The following ZNF69 variants were observed in gnomAD, a reference collection of about 807,000 sequenced individuals.
The protein encoded by ZNF69 is zinc finger protein 69, also known as ZNF3.
Under a neutral mutation model 50.9 loss-of-function variants are expected in ZNF69, and 47 were observed. The observed-to-expected ratio is 0.92, with a 90% CI of 0.73 to 1.18. The LOEUF is 1.18. ZNF69 is among the 50% of genes most tolerant of loss of function. The pLI is 0.00. For missense variants in ZNF69, 717 were observed against 675.1 expected, an observed-to-expected ratio of 1.06 and a Z score of -0.69; for synonymous variants, 216 against 223.1, an observed-to-expected ratio of 0.97 and a Z score of 0.29.
At chr19:11,926,044 G>A in the ZNF69 span, among the ~76,000 whole-genome samples, 1 of 152,204 alleles carries the variant, frequency 6.6e-6, no homozygotes, top group South Asian at 2.1e-4. Context: ...GCAGCTGGTT[G>A]AGAGTGTGAA....
chr19:11,978,538 G>A, the ZNF69 span: 1 of 1,614,228 alleles, frequency 6.2e-7, no homozygotes, highest in Non-Finnish European at 8.5e-7. Flanking sequence ...TGTAAGTTTT[G>A]TGGGAAAGCT....
chr19:11,928,409 A>C, the ZNF69 span, among the ~76,000 whole-genome samples: 2 of 152,164 alleles, frequency 1.3e-5, no homozygotes, highest in African/African-American at 4.8e-5. Context: ...TCTGAAGACA[A>C]TCTGATAGCC....
intron 1 of ZNF69, among the ~76,000 whole-genome samples, chr19:11,896,090 A>G (rs1484389560): frequency 6.6e-6 from 1 of 151,798 alleles, no homozygotes; most frequent in Non-Finnish European, 1.5e-5. Flanking sequence ...GTGATGGTGC[A>G]TGGCTGTAAT....
the ZNF69 span, chr19:11,979,470 CAT>C: frequency 8.1e-5 from 130 of 1,598,684 alleles, no homozygotes; most frequent in African/African-American, 7.8e-4. Context: ...AAATGTAAGA[CAT>C]GTGGGAAAGG....
the ZNF69 span, among the ~76,000 whole-genome samples, chr19:11,926,985 C>T: frequency 6.6e-6 from 1 of 152,112 alleles, no homozygotes; most frequent in South Asian, 2.1e-4. Flanking sequence ...GATCAGACCC[C>T]AGGAGAGTTC....
At position 11,905,771 on chromosome 19, in the gene ZNF69, C is replaced by A; in HGVS notation, c.1374C>A (p.Asn458Lys). The A allele has an allele frequency of 1.2e-6, 2 of 1,612,574 alleles. No homozygotes were observed. The highest frequency in any genetic ancestry group is 1.7e-6 in the Non-Finnish European group (2 of 1,179,802). Reference protein sequence around the residue: ...ECGKAFRSMKNLQSHERTQTH... With the variant: ...ECGKAFRSMKKLQSHERTQTH... The stretch of plus-strand genomic sequence containing the variant: ...GGAAAGCCTTCAGATCTATGAAGAA[C>A]CTTCAAAGTCATGAAAGGACACAAA... Residue 458 changes from asparagine to lysine, a missense_variant, in exon 4 of 4, where the codon AAC becomes AAA. Transcript: ENST00000429654.
chr19:11,971,826 G>A, the ZNF69 span, among the ~76,000 whole-genome samples: 1 of 152,160 alleles, frequency 6.6e-6, no homozygotes, highest in Non-Finnish European at 1.5e-5. Context: ...CACTTTGGGA[G>A]GCCAATGTGG....
At chr19:11,942,673 G>A in the ZNF69 span, among the ~76,000 whole-genome samples, 4 of 152,216 alleles carry the variant, frequency 2.6e-5, no homozygotes, top group African/African-American at 9.7e-5. Flanking sequence ...GGGGCTGCAT[G>A]CATCGGTAAC....
chr19:11,918,893 GTTTTTC>G, downstream of ZNF69, among the ~76,000 whole-genome samples: 1 of 148,460 alleles, frequency 6.7e-6, no homozygotes, highest in East Asian at 2.0e-4. Flanking sequence ...ATGATTACTT[GTTTTTC>G]TTTTTTTTTT....
At chr19:11,948,515 A>G in the ZNF69 span, 34 of 1,612,802 alleles carry the variant, frequency 2.1e-5, no homozygotes, top group South Asian at 1.2e-4. Flanking sequence ...CCAAAGCCAT[A>G]TAAGTGTCAA....
At chr19:11,894,528 A>G (rs748019766) in intron 1 of ZNF69, among the ~76,000 whole-genome samples, 4 of 151,922 alleles carry the variant, frequency 2.6e-5, no homozygotes, top group South Asian at 2.1e-4. Context: ...ACACTCTCCT[A>G]TGTTTTCTTG....
the ZNF69 span, among the ~76,000 whole-genome samples, chr19:11,971,223 G>A: frequency 5.9e-5 from 9 of 152,306 alleles, no homozygotes; most frequent in South Asian, 2.1e-4. Flanking sequence ...GTAATGGCCC[G>A]CTTCCTGGTT....
chr19:11,967,437 C>T, the ZNF69 span, among the ~76,000 whole-genome samples: 2 of 152,002 alleles, frequency 1.3e-5, no homozygotes, highest in African/African-American at 2.4e-5. Context: ...CGGAGTCTCG[C>T]TCTGTTGCCC....
chr19:11,947,560 CAGA>C, the ZNF69 span: 1 of 1,613,448 alleles, frequency 6.2e-7, no homozygotes, highest in Non-Finnish European at 8.5e-7. Context: ...ACCAAAACCC[CAGA>C]AGAAGCTTCA....
chr19:11,905,261 C>T lies in ZNF69; in HGVS notation c.864C>T (p.Pro288=). The change falls in exon 4 of 4, where the codon CCC becomes CCT. Residue 288 remains proline (P), a synonymous_variant. Coordinates refer to ENST00000429654, the MANE Select transcript of ZNF69 (RefSeq NM_001364730.1). ...CQQCGKAFHS[P]RCYRRHERIH... ...AATGTGGGAAAGCATTTCATAGTCC[C>T]AGATGCTATCGTAGACATGAAAGGA... is the stretch of plus-strand genomic sequence containing the variant. 1.2e-6 allele frequency: 2 copies of T among 1,613,892 alleles called. No individual in the cohort carries two copies. Among genetic ancestry groups the T allele is most frequent in the Non-Finnish European group, 8.5e-7 (1 of 1,179,986 alleles).
downstream of ZNF69, among the ~76,000 whole-genome samples, chr19:11,911,203 GA>G: frequency 6.6e-6 from 1 of 152,166 alleles, no homozygotes; most frequent in Non-Finnish European, 1.5e-5. Flanking sequence ...GGAGAAATAG[GA>G]ACACTTTTAC....
At chr19:11,927,066 A>T in the ZNF69 span, among the ~76,000 whole-genome samples, 2 of 151,958 alleles carry the variant, frequency 1.3e-5, no homozygotes, top group Non-Finnish European at 2.9e-5. Context: ...ATTGAAAGCT[A>T]CTCTGGGCCA....
At chr19:11,978,928 C>G in the ZNF69 span, 4 of 1,613,952 alleles carry the variant, frequency 2.5e-6, no homozygotes, top group African/African-American at 1.3e-5. Flanking sequence ...AGGAGTCACA[C>G]GGGAGAGAAG....
intron 1 of ZNF69, among the ~76,000 whole-genome samples, chr19:11,888,843 G>A (rs1977012015): frequency 6.6e-6 from 1 of 152,092 alleles, no homozygotes; most frequent in Admixed American, 6.6e-5. Context: ...CGTGATGGTG[G>A]ACGCCTGTAA....
Sources: gnomAD v4.1 joint callset for allele counts (sites outside exome capture counted in the v4.1 genomes callset) on GRCh38, gnomAD v4.1.1 for gene constraint, MANE v1.5 for transcripts, NCBI Gene and HGNC (gene_info 2026-07-23, HGNC 2026-07-21) for gene names.